The following MEF2C variants were observed in gnomAD, a reference collection of about 807,000 sequenced individuals.
The protein encoded by MEF2C is myocyte-specific enhancer factor 2C.
A neutral mutation model predicts 50.5 loss-of-function variants in MEF2C; 6 were observed. The ratio of observed to expected loss-of-function variants is 0.12; its 90% CI spans 0.07 to 0.23. The LOEUF is 0.23. Among genes scored for constraint, MEF2C ranks in the 10% least tolerant of loss-of-function variants. The pLI, the probability that MEF2C is intolerant of heterozygous loss-of-function variation, is 1.00. For missense variants in MEF2C, 276 were observed against 605.0 expected (o/e 0.46, Z 5.70); for synonymous variants, 183 against 228.0 (o/e 0.80, Z 1.78).
intron 1 of MEF2C, among the ~76,000 whole-genome samples, chr5:88,855,562 T>C (rs929996720): frequency 6.6e-6 from 1 of 152,212 alleles, no homozygotes; most frequent in Non-Finnish European, 1.5e-5. Flanking sequence ...TCATCTTGAA[T>C]TGTTCCCATA....
chr5:88,837,598 G>C (rs1339647722), intron 1 of MEF2C, among the ~76,000 whole-genome samples: 1 of 151,988 alleles, frequency 6.6e-6, no homozygotes, highest in Non-Finnish European at 1.5e-5. Flanking sequence ...CCCCTTTCAA[G>C]TTCCTAAATG....
intron 1 of MEF2C, among the ~76,000 whole-genome samples, chr5:88,861,744 T>C (rs999341717): frequency 5.3e-5 from 8 of 152,236 alleles, no homozygotes; most frequent in Non-Finnish European, 8.8e-5. Flanking sequence ...TTCAGTTGTA[T>C]TTAAAAATAT....
intron 2 of MEF2C, among the ~76,000 whole-genome samples, chr5:88,814,993 C>T (rs1472035838): frequency 6.6e-6 from 1 of 152,026 alleles, no homozygotes; most frequent in East Asian, 1.9e-4. Context: ...TTTATATGGG[C>T]TGCTCAAGTC....
intron 3 of MEF2C, among the ~76,000 whole-genome samples, chr5:88,801,694 G>A (rs1390044718): frequency 6.6e-6 from 1 of 152,030 alleles, no homozygotes; most frequent in Non-Finnish European, 1.5e-5. Context: ...CACCATGTTA[G>A]CCCCGATGAT....
intron 3 of MEF2C, among the ~76,000 whole-genome samples, chr5:88,791,510 CAG>C (rs1457770054): frequency 1.3e-5 from 2 of 152,142 alleles, no homozygotes; most frequent in African/African-American, 4.8e-5. Context: ...TGTGTAATAA[CAG>C]AGACTAGAGG....
intron 5 of MEF2C, 69 bp downstream of exon 5, chr5:88,751,788 C>A: frequency 7.4e-6 from 11 of 1,476,542 alleles, no homozygotes; most frequent in Non-Finnish European, 1.0e-5. Flanking sequence ...GTAGATAAAG[C>A]AGTGTTGGCT....
At chr5:88,824,153 T>A (rs1809796394) in intron 1 of MEF2C, 1 of 924,422 alleles carries the variant, frequency 1.1e-6, no homozygotes, top group African/African-American at 1.8e-5. Context: ...ATTTAACAAG[T>A]CATTTAAATG....
intron 1 of MEF2C, among the ~76,000 whole-genome samples, chr5:88,898,882 A>C (rs1388985876): frequency 6.6e-6 from 1 of 152,120 alleles, no homozygotes; most frequent in African/African-American, 2.4e-5. Context: ...TAACCTAAAT[A>C]CCTATATGTA....
intron 1 of MEF2C, among the ~76,000 whole-genome samples, chr5:88,900,271 TAA>T (rs1031813736): frequency 4.0e-5 from 6 of 151,778 alleles, no homozygotes; most frequent in African/African-American, 1.2e-4. Context: ...GGAATTAATA[TAA>T]GATAGTTATA....
At chr5:88,782,076 C>T in intron 3 of MEF2C, 1 of 912,496 alleles carries the variant, frequency 1.1e-6, no homozygotes. Context: ...GAGACTCTGT[C>T]TAAAAATTAA....
rs2152046393 is a variant in MEF2C, at chr5:88,722,907, A to G, written c.1119T>C (p.His373=). 1 of 1,608,908 alleles carries G rather than the reference A, an allele frequency of 6.2e-7. No homozygotes were observed. Among genetic ancestry groups the G allele is most frequent in the Non-Finnish European group, 8.5e-7 (1 of 1,176,546 alleles). ...GGGAGAGATTTGAACTCTGAGATAA[A>G]TGAGTGCTAGTGCAAGCTCTGTAGG... ...LSQLGACTST[H]LSQSSNLSLP... Residue 373 remains histidine, a synonymous_variant, in exon 11 of 11, where the codon CAT becomes CAC. Transcript: ENST00000504921.
chr5:88,866,154 C>G (rs1318858942), intron 1 of MEF2C, among the ~76,000 whole-genome samples: 1 of 152,182 alleles, frequency 6.6e-6, no homozygotes, highest in Non-Finnish European at 1.5e-5. Flanking sequence ...CCTTGGCCTC[C>G]CAAAGTGCTG....
intron 2 of MEF2C, 76 bp from the exon 3 acceptor site, chr5:88,804,877 TTC>T: frequency 8.1e-7 from 1 of 1,237,732 alleles, no homozygotes; most frequent in Non-Finnish European, 1.1e-6. Flanking sequence ...CTTTTTTCTT[TTC>T]CTTCACAAAA....
chr5:88,792,755 C>T (rs970974145), intron 3 of MEF2C, among the ~76,000 whole-genome samples: 1 of 152,150 alleles, frequency 6.6e-6, no homozygotes, highest in African/African-American at 2.4e-5. Context: ...TAAATAGTCT[C>T]ATGAGCCTAT....
At chr5:88,816,355 A>G (rs746963253) in intron 2 of MEF2C, among the ~76,000 whole-genome samples, 36 of 151,800 alleles carry the variant, frequency 2.4e-4, no homozygotes, top group Admixed American at 2.6e-4. Context: ...ATCCTACTAC[A>G]TGGTGGGGAG....
At chr5:88,857,341 GAACT>G (rs762420472) in intron 1 of MEF2C, among the ~76,000 whole-genome samples, 32 of 152,222 alleles carry the variant, frequency 2.1e-4, no homozygotes, top group Admixed American at 6.5e-4. Context: ...TTGATAGGTG[GAACT>G]AACTAACATG....
At chr5:88,760,904 C>T (rs529760773) in intron 4 of MEF2C, 103 of 1,456,972 alleles carry the variant, frequency 7.1e-5, no homozygotes, top group Middle Eastern at 2.5e-4. Flanking sequence ...TCCGAAGAGT[C>T]TTAGAGAAAG....
Position 88,751,782 on chromosome 5 carries a change from A to G in MEF2C, c.589+75T>C. 3 of 1,463,514 alleles carry G rather than the reference A, an allele frequency of 2.0e-6. No homozygotes were observed. The Admixed American group carries it at 5.2e-5, about 25-fold the overall frequency. The allele number at this position is 1,463,514 out of a possible 1,614,324, so 90.7% of individuals were successfully genotyped here. On this transcript the variant is annotated intron_variant, in intron 5 of 10. Coordinates refer to ENST00000504921, the MANE Select transcript of MEF2C (RefSeq NM_002397.5). ...TGGAAAACCAGAAAACATCTCGTAG[A>G]TAAAGCAGTGTTGGCTTTGCCGAAA... is the stretch of plus-strand genomic sequence containing the variant.
upstream of MEF2C, chr5:88,904,055 G>A (rs925258132): frequency 8.6e-5 from 13 of 150,812 alleles, no homozygotes; most frequent in African/African-American, 3.2e-4. Flanking sequence ...CCCAGTTTGG[G>A]CTGCGTTTGC....
Sources: gnomAD v4.1 joint callset for allele counts (sites outside exome capture counted in the v4.1 genomes callset) on GRCh38, gnomAD v4.1.1 for gene constraint, MANE v1.5 for transcripts, NCBI Gene and HGNC (gene_info 2026-07-23, HGNC 2026-07-21) for gene names.